STK3: variants seen among roughly 807,000 people sequenced by gnomAD.
STK3 encodes serine/threonine kinase 3.
A neutral mutation model predicts 58.0 loss-of-function variants in STK3; 41 were observed. That is an observed-to-expected ratio of 0.71 (90% CI 0.55 to 0.92). STK3 has a LOEUF of 0.92. STK3 is among the 40% of genes least tolerant of loss of function. The probability of loss-of-function intolerance (pLI) is 0.00; values close to 1 mark genes in which losing one functional copy is unlikely to be tolerated. For missense variants in STK3, 479 were observed against 602.7 expected (o/e 0.79, Z 2.15); for synonymous variants, 170 against 191.0 (o/e 0.89, Z 0.91).
the STK3 span, among the ~76,000 whole-genome samples, chr8:98,362,125 G>T: frequency 6.6e-6 from 1 of 152,182 alleles, no homozygotes; most frequent in Admixed American, 6.5e-5. Flanking sequence ...CAACAAAGAA[G>T]TCTACCTAGA....
chr8:98,586,861 C>G (rs1016666489), intron 7 of STK3, among the ~76,000 whole-genome samples: 3 of 151,762 alleles, frequency 2.0e-5, no homozygotes, highest in Non-Finnish European at 4.4e-5. Context: ...TCCATTTCTT[C>G]TAGATTTTCT....
Position 98,800,630 on chromosome 8 carries a change from G to A in STK3, c.26+24885C>T, listed in dbSNP as rs546660058. On this transcript the variant is annotated intron_variant, in intron 1 of 10. Transcript: ENST00000419617. This position sits in a 1 kb window ranked among gnomAD's most constrained non-coding sequence, Gnocchi z 4.8. ...AACCAGGACTGCGCGCAGCACTCAT[G>A]GGCCAGCACGAGTTCCGGGTGGGTG... Among the ~76,000 whole-genome samples, 10 of 152,326 alleles carry A rather than the reference G, an allele frequency of 6.6e-5. No individual in the cohort carries two copies. The highest frequency in any genetic ancestry group is 2.4e-4 in the African/African-American group (10 of 41,586).
intron 8 of STK3, among the ~76,000 whole-genome samples, chr8:98,557,364 T>C (rs1811678521): frequency 1.3e-5 from 2 of 152,136 alleles, no homozygotes; most frequent in African/African-American, 4.8e-5. Context: ...GTGAAACTAC[T>C]GATGTGACCA....
chr8:98,474,746 T>G (rs7007360), intron 10 of STK3, among the ~76,000 whole-genome samples: 70,633 of 152,000 alleles, frequency 0.46, 16,599 homozygotes, highest in Admixed American at 0.56. Context: ...CCTGTAAGCA[T>G]ACTGAGTTAC....
intron 3 of STK3, among the ~76,000 whole-genome samples, chr8:98,877,788 A>G (rs1010500598): frequency 6.6e-6 from 1 of 152,148 alleles, no homozygotes; most frequent in Admixed American, 6.5e-5. Context: ...CAGCCCAGTC[A>G]TTCCATGTTT....
chr8:98,612,062 T>C (rs959601176), intron 6 of STK3, among the ~76,000 whole-genome samples: 2 of 149,082 alleles, frequency 1.3e-5, no homozygotes, highest in East Asian at 1.9e-4. Flanking sequence ...AATATACATA[T>C]AATAGACATT....
chr8:98,873,281 A>G (rs1340783942), intron 3 of STK3, among the ~76,000 whole-genome samples: 1 of 152,184 alleles, frequency 6.6e-6, no homozygotes, highest in East Asian at 1.9e-4. Context: ...TTTTGGAATA[A>G]GTATGATGTG....
intron 9 of STK3, among the ~76,000 whole-genome samples, chr8:98,538,918 T>C (rs1433427686): frequency 6.6e-6 from 1 of 152,208 alleles, no homozygotes; most frequent in Admixed American, 6.5e-5. Context: ...CTCGTACTTT[T>C]GTAAAGGAAA....
intron 1 of STK3, among the ~76,000 whole-genome samples, chr8:98,797,658 T>C (rs1833263531): frequency 6.6e-6 from 1 of 152,212 alleles, no homozygotes; most frequent in Admixed American, 6.5e-5. Context: ...ACTGCACACT[T>C]AGAGAACATG....
intron 6 of STK3, among the ~76,000 whole-genome samples, chr8:98,632,308 A>C (rs947421615): frequency 3.3e-5 from 5 of 152,252 alleles, no homozygotes; most frequent in African/African-American, 1.2e-4. Context: ...ATGTGAACTC[A>C]CCTCAAGAGA....
downstream of STK3, among the ~76,000 whole-genome samples, chr8:98,451,165 A>T (rs1228684787): frequency 6.6e-6 from 1 of 152,194 alleles, no homozygotes; most frequent in Non-Finnish European, 1.5e-5. Context: ...AAGGAGAAAG[A>T]CAGCCTGTAT....
chr8:98,798,329 T>C (rs1833310468), intron 1 of STK3, among the ~76,000 whole-genome samples: 1 of 152,194 alleles, frequency 6.6e-6, no homozygotes, highest in African/African-American at 2.4e-5. Flanking sequence ...TACAACACAA[T>C]TTTCTATTTT....
At chr8:98,535,874 G>A (rs1809717404) in intron 9 of STK3, among the ~76,000 whole-genome samples, 1 of 152,132 alleles carries the variant, frequency 6.6e-6, no homozygotes, top group Admixed American at 6.5e-5. Flanking sequence ...AAGATGGGCT[G>A]AGCAGGCATT....
chr8:98,445,964 A>G (rs978672906), intron 1 of STK3, among the ~76,000 whole-genome samples: 8 of 152,206 alleles, frequency 5.3e-5, no homozygotes, highest in African/African-American at 1.9e-4. Context: ...GAAAACAAAA[A>G]CAAAAACAGA....
chr8:98,493,662 G>A (rs927420671), intron 10 of STK3, among the ~76,000 whole-genome samples: 4 of 152,040 alleles, frequency 2.6e-5, no homozygotes, highest in African/African-American at 9.7e-5. Flanking sequence ...CTGATGACTT[G>A]AACTATACCA....
chr8:98,517,604 C>T (rs1825032270), intron 10 of STK3, among the ~76,000 whole-genome samples: 1 of 152,182 alleles, frequency 6.6e-6, no homozygotes, highest in Non-Finnish European at 1.5e-5. Flanking sequence ...TATAAAATTA[C>T]AAAAATAATT....
chr8:98,710,755 C>G (rs946797886), intron 4 of STK3, among the ~76,000 whole-genome samples: 2 of 152,244 alleles, frequency 1.3e-5, no homozygotes, highest in Non-Finnish European at 1.5e-5. Context: ...CGTCTGCAGA[C>G]TTAAATGTCC....
At chr8:98,827,868 A>G (rs1267922513), upstream of STK3, among the ~76,000 whole-genome samples, 1 of 152,230 alleles carries the variant, frequency 6.6e-6, no homozygotes, top group African/African-American at 2.4e-5. Context: ...CAGAAATAAC[A>G]GGACAACAAC....
At chr8:98,671,590 G>GT (rs1822837141) in intron 6 of STK3, among the ~76,000 whole-genome samples, 3 of 150,578 alleles carry the variant, frequency 2.0e-5, no homozygotes, top group Middle Eastern at 3.4e-3. Context: ...TTTGTTTTTT[G>GT]TTTTTTTGGG....
Sources: allele counts gnomAD v4.1 joint callset (sites outside exome capture counted in the v4.1 genomes callset), GRCh38; gene constraint gnomAD v4.1.1; non-coding constraint Gnocchi (gnomAD v3.1); transcripts MANE v1.5; gene names NCBI Gene and HGNC (gene_info 2026-07-23, HGNC 2026-07-21).